Variants in PRKG1 observed in about 807,000 individuals in gnomAD.
PRKG1 encodes the protein protein kinase cGMP-dependent 1.
PRKG1 carries 35 observed loss-of-function variants against 88.1 expected under a neutral mutation model. The ratio of observed to expected loss-of-function variants is 0.40; its 90% CI spans 0.30 to 0.53. PRKG1 has a LOEUF of 0.53. Among genes scored for constraint, PRKG1 ranks in the 20% least tolerant of loss-of-function variants. The probability of loss-of-function intolerance (pLI) is 0.59; values close to 1 mark genes in which losing one functional copy is unlikely to be tolerated. For missense variants in PRKG1, 540 were observed against 839.8 expected, an observed-to-expected ratio of 0.64 and a Z score of 4.41; for synonymous variants, 303 against 292.5, an observed-to-expected ratio of 1.04 and a Z score of -0.37.
At chr10:51,579,296 T>C (rs1475441175) in intron 3 of PRKG1, among the ~76,000 whole-genome samples, 2 of 151,998 alleles carry the variant, frequency 1.3e-5, no homozygotes, top group Admixed American at 1.3e-4. Context: ...TTATTATTCA[T>C]AATGGATGTC....
intron 2 of PRKG1, among the ~76,000 whole-genome samples, chr10:51,199,011 T>C (rs1359788027): frequency 1.3e-5 from 2 of 152,232 alleles, no homozygotes; most frequent in African/African-American, 2.4e-5. Context: ...TAAGAAGTGA[T>C]ACTGAAAAAT....
At chr10:51,801,398 A>G (rs924512722) in intron 3 of PRKG1, among the ~76,000 whole-genome samples, 8 of 152,280 alleles carry the variant, frequency 5.3e-5, no homozygotes, top group Non-Finnish European at 8.8e-5. Context: ...ATTCTTAGCC[A>G]GTAGACTGTA....
chr10:51,611,217 A>G (rs1216212980), intron 3 of PRKG1, among the ~76,000 whole-genome samples: 2 of 152,174 alleles, frequency 1.3e-5, no homozygotes, highest in Non-Finnish European at 2.9e-5. Flanking sequence ...TTTTCATAAT[A>G]GTTGTACTAA....
intron 7 of PRKG1, among the ~76,000 whole-genome samples, chr10:52,067,239 T>G (rs570338196): frequency 6.6e-6 from 1 of 152,346 alleles, no homozygotes; most frequent in East Asian, 1.9e-4. Context: ...GCCAGCATTC[T>G]CTGTATGTAC....
chr10:52,248,995 C>T, intron 9 of PRKG1, among the ~76,000 whole-genome samples: 1 of 64,462 alleles, frequency 1.6e-5, no homozygotes, highest in African/African-American at 6.9e-5. Flanking sequence ...CCACGCTTCC[C>T]CCTTCTCCCC....
chr10:51,731,430 C>T (rs7914283), intron 3 of PRKG1, among the ~76,000 whole-genome samples: 1 of 151,862 alleles, frequency 6.6e-6, no homozygotes, highest in Non-Finnish European at 1.5e-5. Flanking sequence ...GGTATTTCTG[C>T]TGCAATTTGT....
intron 2 of PRKG1, among the ~76,000 whole-genome samples, chr10:51,261,007 G>A (rs987631389): frequency 3.9e-5 from 6 of 152,108 alleles, no homozygotes; most frequent in African/African-American, 1.4e-4. Context: ...ATATATAAGC[G>A]TGATGTGGCA....
chr10:52,062,994 C>G, intron 7 of PRKG1: 1 of 561,466 alleles, frequency 1.8e-6, no homozygotes, highest in Non-Finnish European at 3.2e-6. Context: ...TTTGAAATCC[C>G]TAAACCTGTT....
chr10:51,010,856 T>G (rs1008426637), intron 1 of PRKG1, among the ~76,000 whole-genome samples: 5 of 152,246 alleles, frequency 3.3e-5, no homozygotes, highest in Non-Finnish European at 7.3e-5. Flanking sequence ...AATTTACATT[T>G]TTGTTGAATT....
rs1408475298 is a variant in PRKG1, at chr10:52,280,736, A to G, written c.1404-53A>G. The G allele has an allele frequency of 5.1e-6, 8 of 1,564,710 alleles. No individual in the cohort carries two copies. In the African/African-American group the frequency reaches 6.9e-5, roughly 13 times the overall value. The stretch of plus-strand genomic sequence containing the variant: ...GAAATGAGAAAAAAAAAATAAAGCC[A>G]TATTACAGAAATTAATTTTTTATAC... On this transcript the variant is annotated intron_variant, in intron 12 of 17. Coordinates refer to ENST00000373980, the MANE Select transcript of PRKG1 (RefSeq NM_006258.4).
At chr10:51,979,736 C>A (rs1219826298) in intron 5 of PRKG1, among the ~76,000 whole-genome samples, 1 of 149,440 alleles carries the variant, frequency 6.7e-6, no homozygotes, top group Admixed American at 6.7e-5. Context: ...ATGTATATAT[C>A]CAAAAAATTT....
intron 5 of PRKG1, among the ~76,000 whole-genome samples, chr10:51,915,852 T>C (rs1173558676): frequency 6.6e-6 from 1 of 152,152 alleles, no homozygotes; most frequent in Non-Finnish European, 1.5e-5. Context: ...ACAAAAAATT[T>C]CTTAACATTA....
At chr10:51,600,400 A>T (rs1050544764) in intron 3 of PRKG1, among the ~76,000 whole-genome samples, 7 of 152,196 alleles carry the variant, frequency 4.6e-5, no homozygotes, top group Non-Finnish European at 1.0e-4. Context: ...GGAAGTTGGG[A>T]TACTTTTCTT....
In PRKG1 at chr10:51,307,826, T is replaced by G. The variant is rs138212277; in HGVS notation, c.478+154496T>G. Among the ~76,000 whole-genome samples the G allele has an allele frequency of 3.3e-5, 5 of 152,246 alleles. No homozygotes were observed. The East Asian group carries it at 7.7e-4, about 23-fold the overall frequency. ...TAAATAATTTTAAGAACTTAATTTT[T>G]CTGTGTATTAAGAGCAGATTAATAT... is the stretch of plus-strand genomic sequence containing the variant. On this transcript the variant is annotated intron_variant, in intron 2 of 17. Coordinates refer to ENST00000373980, the MANE Select transcript of PRKG1 (RefSeq NM_006258.4).
At chr10:51,321,965 A>T (rs1000496790) in intron 2 of PRKG1, among the ~76,000 whole-genome samples, 3 of 152,212 alleles carry the variant, frequency 2.0e-5, no homozygotes, top group Non-Finnish European at 4.4e-5. Flanking sequence ...GAAATCTTGC[A>T]TCACATTAAA....
intron 3 of PRKG1, among the ~76,000 whole-genome samples, chr10:51,751,330 C>T (rs1589257238): frequency 1.3e-5 from 2 of 152,212 alleles, no homozygotes; most frequent in East Asian, 1.9e-4. Flanking sequence ...CTCTGCCTCC[C>T]AGGTTCAAGC....
In PRKG1 at chr10:51,157,725, T is replaced by G. The variant is rs10995870; in HGVS notation, c.478+4395T>G. ...TGGAAGCAGATAAATTTCATTTTAA[T>G]TTTTAAAATGGCAAGTGTCTGTTTA... On this transcript the variant is annotated intron_variant, in intron 2 of 17. Transcript: ENST00000373980. Among the ~76,000 whole-genome samples the G allele has an allele frequency of 7.6e-3, 1,159 of 152,098 alleles. 11 individuals are homozygous for G. The highest frequency in any genetic ancestry group is 0.027 in the African/African-American group (1,104 of 41,564).
chr10:51,799,497 C>T (rs1405299721), intron 3 of PRKG1, among the ~76,000 whole-genome samples: 1 of 151,692 alleles, frequency 6.6e-6, no homozygotes, highest in East Asian at 1.9e-4. Context: ...AGGATAACCT[C>T]AAAAATATCT....
At chr10:51,646,503 A>T (rs1337998862) in intron 3 of PRKG1, among the ~76,000 whole-genome samples, 1 of 152,038 alleles carries the variant, frequency 6.6e-6, no homozygotes, top group Non-Finnish European at 1.5e-5. Context: ...TTAAGGCAGG[A>T]TCTATTTGTG....
Sources: allele counts gnomAD v4.1 joint callset (sites outside exome capture counted in the v4.1 genomes callset), GRCh38; gene constraint gnomAD v4.1.1; transcripts MANE v1.5; gene names NCBI Gene and HGNC (gene_info 2026-07-23, HGNC 2026-07-21).